The following CRTAC1 variants were observed in gnomAD, a reference collection of about 807,000 sequenced individuals.
The protein encoded by CRTAC1 is cartilage acidic protein 1, also known as acidic secreted protein in cartilage.
In CRTAC1, 37 loss-of-function variants were observed where a neutral mutation model predicts 67.8. That is an observed-to-expected ratio of 0.55 (90% CI 0.42 to 0.72). The LOEUF is 0.72. Ranked by LOEUF, CRTAC1 falls within the 30% of genes least tolerant of loss-of-function variation. The probability of loss-of-function intolerance (pLI) is 0.00; values close to 1 mark genes in which losing one functional copy is unlikely to be tolerated. For missense variants in CRTAC1, 780 were observed against 931.6 expected (o/e 0.84, Z 2.12); for synonymous variants, 348 against 371.0 (o/e 0.94, Z 0.71).
intron 2 of CRTAC1, among the ~76,000 whole-genome samples, chr10:97,991,034 TG>T (rs1842440465): frequency 7.7e-6 from 1 of 130,084 alleles, no homozygotes; most frequent in Non-Finnish European, 1.5e-5. Context: ...GAGACTGAAG[TG>T]GGAAGATTGC....
At chr10:97,935,306 T>A (rs2051069385) in intron 3 of CRTAC1, among the ~76,000 whole-genome samples, 1 of 152,206 alleles carries the variant, frequency 6.6e-6, no homozygotes, top group African/African-American at 2.4e-5. Flanking sequence ...AATGTTTAGA[T>A]CAGGGTCTGA....
At chr10:97,989,250 T>C (rs1403773809) in intron 2 of CRTAC1, among the ~76,000 whole-genome samples, 4 of 152,190 alleles carry the variant, frequency 2.6e-5, no homozygotes, top group African/African-American at 9.6e-5. Flanking sequence ...TCATAATAAA[T>C]AAATCAATCT....
Position 97,960,267 on chromosome 10 carries a change from A to G in CRTAC1, c.225-23901T>C, listed in dbSNP as rs149387196. Among the ~76,000 whole-genome samples, 170 of 152,348 alleles carry G rather than the reference A, an allele frequency of 1.1e-3. 1 individual carries two copies. Among genetic ancestry groups the G allele is most frequent in the African/African-American group, 3.9e-3 (161 of 41,590 alleles). ...CCTCCTTCATTGTTTGGCACACAGT[A>G]TTAATAGATGGTCAATAAATTGTAG... On this transcript the variant is annotated intron_variant, in intron 2 of 14. Transcript: ENST00000370597.
intron 13 of CRTAC1, among the ~76,000 whole-genome samples, chr10:97,881,801 C>T (rs2050218534): frequency 6.6e-6 from 1 of 152,114 alleles, no homozygotes; most frequent in African/African-American, 2.4e-5. Flanking sequence ...CTCCTTTGTT[C>T]AGACAGTGCC....
chr10:97,890,721 G>C (rs1282406770), intron 11 of CRTAC1, among the ~76,000 whole-genome samples: 1 of 149,808 alleles, frequency 6.7e-6, no homozygotes, highest in Non-Finnish European at 1.5e-5. Flanking sequence ...AGGCTGGAGT[G>C]CAATGGCACA....
chr10:98,012,373 C>T (rs960114171), intron 1 of CRTAC1, among the ~76,000 whole-genome samples: 5 of 102,590 alleles, frequency 4.9e-5, no homozygotes, highest in Non-Finnish European at 9.3e-5. Flanking sequence ...CCCTGAGACT[C>T]TACCTGCAGG....
At chr10:98,018,906 C>T (rs998716498) in intron 1 of CRTAC1, among the ~76,000 whole-genome samples, 3 of 152,208 alleles carry the variant, frequency 2.0e-5, no homozygotes, top group African/African-American at 7.2e-5. Flanking sequence ...GAAGAGCTAA[C>T]AGGAGCTGCC....
intron 9 of CRTAC1, 101 bp from the exon 10 acceptor site, chr10:97,896,086 G>A: frequency 9.9e-7 from 1 of 1,010,130 alleles, no homozygotes; most frequent in Non-Finnish European, 1.5e-6. Context: ...GGGCGTGGGA[G>A]CCAGAGAAAG....
At chr10:98,007,884 C>G (rs1402248714) in intron 2 of CRTAC1, among the ~76,000 whole-genome samples, 1 of 152,154 alleles carries the variant, frequency 6.6e-6, no homozygotes, top group African/African-American at 2.4e-5. Context: ...GAGAAAAAGA[C>G]TTCATTGAAG....
chr10:98,012,441 G>A (rs1257773482), intron 1 of CRTAC1, among the ~76,000 whole-genome samples: 2 of 152,154 alleles, frequency 1.3e-5, no homozygotes, highest in African/African-American at 4.8e-5. Context: ...GGTCCACAAA[G>A]GCTGCATGGG....
At position 98,030,261 on chromosome 10, in the gene CRTAC1, G is replaced by A. The variant is rs1416018740; in HGVS notation, c.24+188C>T. 6.6e-6 allele frequency among the ~76,000 whole-genome samples: 1 copy of A among 152,038 alleles called. No individual in the cohort carries two copies. Among genetic ancestry groups the A allele is most frequent in the East Asian group, 1.9e-4 (1 of 5,142 alleles). On this transcript the variant is annotated intron_variant, in intron 1 of 14. Coordinates refer to ENST00000370597, the MANE Select transcript of CRTAC1 (RefSeq NM_018058.7). The surrounding 1 kb of genome is among the most constrained non-coding windows in gnomAD (Gnocchi z 4.2). ...GCCTCACCCCCAGCCCGCGGGGGAG[G>A]CTCCGCGCGCCAATCGAGTCCAGCG...
intron 12 of CRTAC1, 119 bp from the exon 13 acceptor site, chr10:97,882,947 G>A: frequency 9.8e-7 from 1 of 1,021,668 alleles, no homozygotes. Flanking sequence ...CATGCTCTGA[G>A]CTCTGGGCCT....
intron 2 of CRTAC1, among the ~76,000 whole-genome samples, chr10:97,961,793 G>T (rs2051529927): frequency 6.6e-6 from 1 of 152,182 alleles, no homozygotes; most frequent in Admixed American, 6.5e-5. Flanking sequence ...CCAGTAGTCT[G>T]GGAGGCCACG....
At chr10:98,002,961 T>G (rs1842722362) in intron 2 of CRTAC1, among the ~76,000 whole-genome samples, 1 of 151,262 alleles carries the variant, frequency 6.6e-6, no homozygotes. Flanking sequence ...TTTTTTGTAT[T>G]TTTAGTAGAG....
intron 5 of CRTAC1, 119 bp downstream of exon 5, chr10:97,917,381 C>G (rs971158732): frequency 2.8e-5 from 21 of 741,630 alleles, no homozygotes; most frequent in Non-Finnish European, 3.9e-5. Flanking sequence ...TCTCCCCTCA[C>G]CAGGGACATA....
At chr10:97,961,968 CT>C (rs2051533366) in intron 2 of CRTAC1, among the ~76,000 whole-genome samples, 1 of 152,314 alleles carries the variant, frequency 6.6e-6, no homozygotes, top group East Asian at 1.9e-4. Context: ...TGTCTGCTCT[CT>C]TTTTTAGAGG....
chr10:98,009,209 T>C (rs1842858973), intron 2 of CRTAC1, among the ~76,000 whole-genome samples: 1 of 152,256 alleles, frequency 6.6e-6, no homozygotes, highest in Non-Finnish European at 1.5e-5. Context: ...AATGTGGCTA[T>C]TTTTAATTAA....
intron 2 of CRTAC1, among the ~76,000 whole-genome samples, chr10:97,990,486 TC>T (rs1842423220): frequency 6.6e-6 from 1 of 152,232 alleles, no homozygotes; most frequent in Admixed American, 6.5e-5. Flanking sequence ...CGAGTCCTTC[TC>T]CTTTCCAACC....
At chr10:97,871,303 T>A (rs611536) in intron 14 of CRTAC1, 13,651 of 152,050 alleles carry the variant, frequency 0.09, 1,021 homozygotes, top group African/African-American at 0.2. Context: ...GTGAAGAGAG[T>A]CAGAGGGCTG....
Sources: gnomAD v4.1 joint callset for allele counts (sites outside exome capture counted in the v4.1 genomes callset) on GRCh38, gnomAD v4.1.1 for gene constraint, Gnocchi (gnomAD v3.1) non-coding constraint, MANE v1.5 for transcripts, NCBI Gene and HGNC (gene_info 2026-07-23, HGNC 2026-07-21) for gene names.